The following SH3BGRL2 variants were observed in gnomAD, a reference collection of about 807,000 sequenced individuals.
The protein encoded by SH3BGRL2 is SH3 domain binding glutamate rich protein like 2.
In SH3BGRL2, 21 loss-of-function variants were observed where a neutral mutation model predicts 14.8. That is an observed-to-expected ratio of 1.42 (90% CI 1.01 to 2.05). The LOEUF is 2.05. SH3BGRL2 is among the 30% of genes most tolerant of loss of function. The pLI is 0.00. For missense variants in SH3BGRL2, 147 were observed against 130.8 expected (o/e 1.12, Z -0.61); for synonymous variants, 50 against 47.8 (o/e 1.05, Z -0.19).
the SH3BGRL2 span, among the ~76,000 whole-genome samples, chr6:79,581,891 G>A: frequency 4.7e-3 from 713 of 152,212 alleles, 9 homozygotes; most frequent in African/African-American, 0.015. Context: ...AAACCCCATC[G>A]TCTCAGTCCA....
intron 1 of SH3BGRL2, among the ~76,000 whole-genome samples, chr6:79,636,817 T>G (rs1041787402): frequency 6.6e-6 from 1 of 152,164 alleles, no homozygotes; most frequent in Non-Finnish European, 1.5e-5. Context: ...TGCATGTATC[T>G]TTGTGCCCAA....
At chr6:79,559,719 CGT>C in the SH3BGRL2 span, among the ~76,000 whole-genome samples, 1 of 152,068 alleles carries the variant, frequency 6.6e-6, no homozygotes, top group Non-Finnish European at 1.5e-5. Context: ...GCTCTAGTTA[CGT>C]AAGAGAACAC....
At chr6:79,610,375 T>G in the SH3BGRL2 span, among the ~76,000 whole-genome samples, 1 of 152,334 alleles carries the variant, frequency 6.6e-6, no homozygotes, top group Non-Finnish European at 1.5e-5. Flanking sequence ...GCTTCAGGAC[T>G]TCATGCTTTC....
At chr6:79,695,409 C>T (rs1255924839) in intron 2 of SH3BGRL2, among the ~76,000 whole-genome samples, 3 of 152,190 alleles carry the variant, frequency 2.0e-5, no homozygotes, top group Non-Finnish European at 2.9e-5. Flanking sequence ...TCAGACAAGG[C>T]ATGCGTTGCA....
At chr6:79,596,949 GCCAGGCGCAGTGCCTCCTGTCTGTAATC>G in the SH3BGRL2 span, among the ~76,000 whole-genome samples, 1 of 152,104 alleles carries the variant, frequency 6.6e-6, no homozygotes, top group Non-Finnish European at 1.5e-5. Flanking sequence ...AAACATATAG[GCCAGGCGCAGTGCCTCCTGTCTGTAATC>G]CCAGGACTTT....
intron 2 of SH3BGRL2, among the ~76,000 whole-genome samples, chr6:79,692,764 G>T (rs1283634132): frequency 6.6e-6 from 1 of 151,554 alleles, no homozygotes; most frequent in African/African-American, 2.4e-5. Flanking sequence ...CTGTAGCCTT[G>T]TAGTATAGTT....
intron 1 of SH3BGRL2, among the ~76,000 whole-genome samples, chr6:79,669,127 TA>T (rs1348873356): frequency 2.0e-5 from 3 of 152,312 alleles, no homozygotes; most frequent in African/African-American, 7.2e-5. Flanking sequence ...AGTTAATATT[TA>T]TTGAGGGCCT....
chr6:79,651,824 G>C (rs1769302845), intron 1 of SH3BGRL2, among the ~76,000 whole-genome samples: 2 of 152,168 alleles, frequency 1.3e-5, no homozygotes, highest in Non-Finnish European at 2.9e-5. Flanking sequence ...GGAGTTTGGT[G>C]AAGGAGATGA....
At chr6:79,649,985 T>TCTCTCTCACACACACA (rs765159303) in intron 1 of SH3BGRL2, among the ~76,000 whole-genome samples, 162 of 142,076 alleles carry the variant, frequency 1.1e-3, no homozygotes, top group Middle Eastern at 7.2e-3. Context: ...TCTCTCTCTC[T>TCTCTCTCACACACACA]CACACACACA....
chr6:79,628,709 C>T (rs986692361), upstream of SH3BGRL2, among the ~76,000 whole-genome samples: 2 of 152,064 alleles, frequency 1.3e-5, no homozygotes, highest in African/African-American at 4.8e-5. Context: ...CATATTTTCT[C>T]CTGCATACAA....
the SH3BGRL2 span, among the ~76,000 whole-genome samples, chr6:79,580,121 G>A: frequency 2.0e-5 from 3 of 152,214 alleles, no homozygotes; most frequent in Non-Finnish European, 2.9e-5. Flanking sequence ...ATATGCAGCC[G>A]ATACAGGAGC....
chr6:79,656,811 G>A (rs975869863), intron 1 of SH3BGRL2, among the ~76,000 whole-genome samples: 2 of 152,054 alleles, frequency 1.3e-5, no homozygotes, highest in African/African-American at 4.8e-5. Flanking sequence ...TATGGGGGTT[G>A]GGGAGAGCTC....
the SH3BGRL2 span, among the ~76,000 whole-genome samples, chr6:79,565,095 A>T: frequency 6.6e-6 from 1 of 152,172 alleles, no homozygotes; most frequent in Non-Finnish European, 1.5e-5. Context: ...CCCCCTCCAC[A>T]AGAGAAAGAG....
At chr6:79,638,435 A>T (rs1168877124) in intron 1 of SH3BGRL2, among the ~76,000 whole-genome samples, 1 of 152,160 alleles carries the variant, frequency 6.6e-6, no homozygotes, top group Non-Finnish European at 1.5e-5. Context: ...TTTTTAATAC[A>T]CTGATTTCTT....
At chr6:79,572,750 C>T in the SH3BGRL2 span, among the ~76,000 whole-genome samples, 1 of 152,196 alleles carries the variant, frequency 6.6e-6, no homozygotes, top group African/African-American at 2.4e-5. Flanking sequence ...CAGGCGTGAG[C>T]CACTGCGCCT....
intron 1 of SH3BGRL2, among the ~76,000 whole-genome samples, chr6:79,633,558 G>T (rs1768865782): frequency 6.6e-6 from 1 of 152,086 alleles, no homozygotes; most frequent in Non-Finnish European, 1.5e-5. Context: ...TTCTGACATG[G>T]TTTCATTTGA....
chr6:79,687,556 A>G (rs746766634), intron 2 of SH3BGRL2, among the ~76,000 whole-genome samples: 3 of 152,186 alleles, frequency 2.0e-5, no homozygotes, highest in Non-Finnish European at 4.4e-5. Context: ...TCCTGCCAGG[A>G]TTGGAATTGT....
the SH3BGRL2 span, among the ~76,000 whole-genome samples, chr6:79,557,094 T>TA: frequency 6.6e-6 from 1 of 151,844 alleles, no homozygotes; most frequent in South Asian, 2.1e-4. Flanking sequence ...ACATACAAGA[T>TA]AAAACGTCAA....
chr6:79,556,481 A>G, the SH3BGRL2 span, among the ~76,000 whole-genome samples: 1,565 of 152,114 alleles, frequency 0.01, 26 homozygotes, highest in African/African-American at 0.036. Context: ...TATTTCTCCA[A>G]TTGTTTCATA....
Sources: gnomAD v4.1 joint callset for allele counts (sites outside exome capture counted in the v4.1 genomes callset) on GRCh38, gnomAD v4.1.1 for gene constraint, MANE v1.5 for transcripts, NCBI Gene and HGNC (gene_info 2026-07-23, HGNC 2026-07-21) for gene names.